OR9Q1: variants seen among roughly 807,000 people sequenced by gnomAD.
OR9Q1 encodes the protein olfactory receptor 9Q1.
For missense variants in OR9Q1, 374 were observed against 378.8 expected (o/e 0.99, Z 0.11); for synonymous variants, 153 against 148.6 (o/e 1.03, Z -0.22).
rs1025979962 is a variant in OR9Q1 at position 58,168,857 on chromosome 11, C to T, written c.-14-10574C>T. Among the ~76,000 whole-genome samples the T allele has an allele frequency of 3.9e-5, 6 of 152,122 alleles. No individual in the cohort carries two copies. In the East Asian group the frequency reaches 9.6e-4, roughly 24 times the overall value. On this transcript the variant is annotated intron_variant, in intron 2 of 2. Transcript: ENST00000335397. Reference sequence around the variant, plus strand: ...CCTTAACTGTTGTTGCTAAAATTCACAGGTTTTAATAAGTACATATCAATG... The same window carrying T: ...CCTTAACTGTTGTTGCTAAAATTCATAGGTTTTAATAAGTACATATCAATG...
chr11:58,145,398 A>G (rs974682827), intron 2 of OR9Q1: 2 of 152,376 alleles, frequency 1.3e-5, no homozygotes, highest in Admixed American at 1.3e-4. Flanking sequence ...AGTTTTCAAC[A>G]GGATAAGGGT....
chr11:58,158,201 T>C (rs2119916422), intron 2 of OR9Q1, among the ~76,000 whole-genome samples: 1 of 152,262 alleles, frequency 6.6e-6, no homozygotes, highest in Non-Finnish European at 1.5e-5. Context: ...ACTTTCTCTG[T>C]TTCTATGGTG....
intron 2 of OR9Q1, among the ~76,000 whole-genome samples, chr11:58,150,396 C>G (rs922482047): frequency 7.2e-5 from 11 of 152,070 alleles, no homozygotes; most frequent in African/African-American, 2.2e-4. Context: ...CTTGGCCTCC[C>G]CAACCACTGG....
intron 2 of OR9Q1, among the ~76,000 whole-genome samples, chr11:58,160,941 C>A (rs755523772): frequency 2.6e-5 from 4 of 152,146 alleles, no homozygotes; most frequent in African/African-American, 9.7e-5. Context: ...CTAGAGTAAT[C>A]TCCTGGGAAC....
chr11:58,062,792 G>C (rs1853392312), intron 2 of OR9Q1, among the ~76,000 whole-genome samples: 1 of 152,124 alleles, frequency 6.6e-6, no homozygotes, highest in Admixed American at 6.5e-5. Context: ...ACTAGAAAAA[G>C]CAATCCTGTC....
chr11:58,058,111 A>G (rs1853344735), intron 2 of OR9Q1, among the ~76,000 whole-genome samples: 1 of 152,162 alleles, frequency 6.6e-6, no homozygotes, highest in South Asian at 2.1e-4. Context: ...GGACTGGGAA[A>G]GGCTTCTTGG....
chr11:58,024,276 A>C (rs1852948584), intron 1 of OR9Q1, among the ~76,000 whole-genome samples, 172 bp downstream of exon 1: 1 of 152,130 alleles, frequency 6.6e-6, no homozygotes, highest in Admixed American at 6.5e-5. Context: ...TCCGGGCTTC[A>C]TCCTGGGCAT....
chr11:58,167,229 G>A (rs1311700940), intron 2 of OR9Q1, among the ~76,000 whole-genome samples: 1 of 152,034 alleles, frequency 6.6e-6, no homozygotes, highest in Non-Finnish European at 1.5e-5. Context: ...TTATTTATTA[G>A]TTTCTTTACC....
intron 1 of OR9Q1, among the ~76,000 whole-genome samples, chr11:58,029,495 A>G (rs749740634): frequency 2.6e-5 from 4 of 152,216 alleles, no homozygotes; most frequent in African/African-American, 4.8e-5. Context: ...TCACTTTTGG[A>G]TGGGAAGAGT....
chr11:58,170,280 C>T (rs543655872), intron 2 of OR9Q1, among the ~76,000 whole-genome samples: 8 of 152,068 alleles, frequency 5.3e-5, no homozygotes, highest in Non-Finnish European at 8.8e-5. Context: ...GCAACATCTA[C>T]AATCTAACTG....
At chr11:58,109,756 AT>A (rs1460953555) in intron 2 of OR9Q1, 6 of 365,496 alleles carry the variant, frequency 1.6e-5, no homozygotes, top group Admixed American at 7.3e-5. Context: ...TGTTAAGTAA[AT>A]GTCCCAGCCT....
At chr11:58,124,358 T>TA (rs1854067598) in intron 2 of OR9Q1, 1 of 152,188 alleles carries the variant, frequency 6.6e-6, no homozygotes, top group Non-Finnish European at 1.5e-5. Flanking sequence ...ATGTGACCTC[T>TA]GGAGGGGATA....
At chr11:58,177,883 G>A (rs1419193122) in intron 2 of OR9Q1, among the ~76,000 whole-genome samples, 1 of 152,178 alleles carries the variant, frequency 6.6e-6, no homozygotes, top group African/African-American at 2.4e-5. Context: ...AGGCAGACAG[G>A]AGAGAACTTT....
At chr11:58,111,777 T>C (rs138390170) in intron 2 of OR9Q1, among the ~76,000 whole-genome samples, 25 of 152,336 alleles carry the variant, frequency 1.6e-4, no homozygotes, top group African/African-American at 6.0e-4. Flanking sequence ...TGGAACTTTC[T>C]AGTATAGACA....
chr11:58,104,314 G>A (rs1590591931), intron 2 of OR9Q1, among the ~76,000 whole-genome samples: 1 of 150,418 alleles, frequency 6.6e-6, no homozygotes, highest in Non-Finnish European at 1.5e-5. Context: ...AGAAGGATAA[G>A]AGAGAGAGAA....
intron 2 of OR9Q1, among the ~76,000 whole-genome samples, chr11:58,112,745 C>T (rs1294193481): frequency 6.6e-6 from 1 of 152,128 alleles, no homozygotes; most frequent in Non-Finnish European, 1.5e-5. Flanking sequence ...CCAAGCTTAT[C>T]CGTTAGTTTC....
intron 2 of OR9Q1, among the ~76,000 whole-genome samples, chr11:58,085,058 A>G (rs774622822): frequency 1.3e-5 from 2 of 151,930 alleles, no homozygotes; most frequent in African/African-American, 2.4e-5. Context: ...AACTATTTTC[A>G]AAAATAAAAC....
chr11:58,062,805 T>C (rs1853392855), intron 2 of OR9Q1, among the ~76,000 whole-genome samples: 2 of 152,210 alleles, frequency 1.3e-5, no homozygotes, highest in Admixed American at 6.5e-5. Flanking sequence ...ATCCTGTCAA[T>C]TAGATGTCTT....
intron 2 of OR9Q1, among the ~76,000 whole-genome samples, chr11:58,169,295 T>C (rs976688913): frequency 6.6e-6 from 1 of 152,184 alleles, no homozygotes; most frequent in Non-Finnish European, 1.5e-5. Context: ...GGTATTAGAA[T>C]CTTGGTGAGC....
Sources: gnomAD v4.1 joint callset for allele counts (sites outside exome capture counted in the v4.1 genomes callset) on GRCh38, gnomAD v4.1.1 for gene constraint, MANE v1.5 for transcripts, NCBI Gene and HGNC (gene_info 2026-07-23, HGNC 2026-07-21) for gene names.